ABCC10: variants seen among roughly 807,000 people sequenced by gnomAD.
ABCC10 encodes ATP-binding cassette sub-family C member 10.
In ABCC10, 110 loss-of-function variants were observed where a neutral mutation model predicts 143.2. The observed-to-expected ratio is 0.77, with a 90% CI of 0.66 to 0.90. The LOEUF is 0.90. ABCC10 is among the 40% of genes least tolerant of loss of function. The pLI, the probability that ABCC10 is intolerant of heterozygous loss-of-function variation, is 0.00. For synonymous variants in ABCC10, 805 were observed against 846.7 expected, an observed-to-expected ratio of 0.95 and a Z score of 0.85; for missense variants, 1,700 against 1,900.5, an observed-to-expected ratio of 0.89 and a Z score of 1.96.
At chr6:43,440,877 T>TA (rs1562187548) in intron 8 of ABCC10, among the ~76,000 whole-genome samples, 15 of 135,274 alleles carry the variant, frequency 1.1e-4, no homozygotes, top group Non-Finnish European at 2.0e-4. Context: ...AAAAAAAAAA[T>TA]ACCAGACCAC....
chr6:43,433,989 C>T (rs831315), intron 3 of ABCC10, among the ~76,000 whole-genome samples: 131,721 of 152,222 alleles, frequency 0.87, 57,133 homozygotes, highest in East Asian at 0.95. Context: ...GCATAGTTGT[C>T]GACCCTTAGT....
At chr6:43,447,993 G>C (rs1346270187) in intron 18 of ABCC10, 56 bp downstream of exon 18, 3 of 1,600,052 alleles carry the variant, frequency 1.9e-6, no homozygotes, top group Non-Finnish European at 2.5e-6. Flanking sequence ...CTGGCACTTA[G>C]AGGAGGGCAT....
chr6:43,448,977 G>T lies in ABCC10; in HGVS notation c.4056G>T (p.Leu1352Phe). 6.2e-7 allele frequency: 1 copy of T among 1,614,208 alleles called. No individual in the cohort carries two copies. The highest frequency in any genetic ancestry group is 2.2e-5 in the East Asian group (1 of 44,884). The change falls in exon 19 of 22, where the codon TTG (leucine) becomes TTT (phenylalanine). Residue 1352 changes from leucine to phenylalanine, a missense_variant. Leu to Phe is a conservative substitution (Grantham distance 22). Transcript: ENST00000372530. ...AGGGCCTACATAAGGACAGGGCCTT[G>T]TGGCAGGCCCTGAAGCAGTGCCACC... is the stretch of plus-strand genomic sequence containing the variant. ...DPQGLHKDRA[L>F]WQALKQCHLS...
At chr6:43,451,786 C>T (rs1174386025), downstream of ABCC10, 1 of 969,864 alleles carries the variant, frequency 1.0e-6, no homozygotes, top group Non-Finnish European at 1.2e-6. This position sits in a 1 kb window ranked among gnomAD's most constrained non-coding sequence, Gnocchi z 4.4. Context: ...AAACCCTGAA[C>T]TAGGAACACT....
intron 21 of ABCC10, 59 bp downstream of exon 21, chr6:43,449,593 T>C (rs981806750): frequency 3.4e-5 from 48 of 1,423,502 alleles, no homozygotes; most frequent in Non-Finnish European, 4.6e-5. Flanking sequence ...ACCGAGAGCC[T>C]CCGTTGCTTT....
chr6:43,446,223 TGGGTGGCTCA>T (rs1298266482), intron 15 of ABCC10, 44 bp from the exon 16 acceptor site: 10 of 1,574,342 alleles, frequency 6.4e-6, no homozygotes, highest in Non-Finnish European at 8.6e-6. Context: ...GCCCTGAGGC[TGGGTGGCTCA>T]GGGCAACAGT....
Position 43,435,116 on chromosome 6 carries a change from G to C in ABCC10, c.1608+268G>C, listed in dbSNP as rs897857518. 9.6e-6 allele frequency: 4 copies of C among 415,274 alleles called. No homozygotes were observed. In the Admixed American group the frequency reaches 1.5e-4, roughly 16 times the overall value. 25.7% of individuals were successfully genotyped at this position (415,274 alleles called of 1,614,324 possible). On this transcript the variant is annotated intron_variant, in intron 4 of 21. Coordinates refer to ENST00000372530, the MANE Select transcript of ABCC10 (RefSeq NM_001198934.2). ...CTTGGGGTTAGGTCTCTTCATCCTC[G>C]TTCTAATGGCCTTAGGAAAAAAATG...
rs766202939 is a variant in ABCC10 at position 43,448,922 on chromosome 6, G to T, written c.4001G>T (p.Ser1334Ile). 2.5e-6 allele frequency: 4 copies of T among 1,614,146 alleles called. No individual in the cohort carries two copies. In the South Asian group the frequency reaches 4.4e-5, roughly 18 times the overall value. Residue 1334 changes from serine to isoleucine, a missense_variant, in exon 19 of 22, where the codon AGT becomes ATT. Physicochemically the swap from Ser to Ile is moderately radical, Grantham distance 142. Transcript: ENST00000372530. The part of the protein sequence containing the change: ...AIIPQEPFLF[S>I]GTVRENLDPQ... ...ATCCCCCAGGAGCCCTTTTTGTTCA[G>T]TGGGACTGTTCGGGAAAACCTGGAC... is the stretch of plus-strand genomic sequence containing the variant.
At position 43,428,009 on chromosome 6, in the gene ABCC10, A is replaced by G; in HGVS notation, c.31A>G (p.Ser11Gly). 1 of 1,610,870 alleles carries G rather than the reference A, an allele frequency of 6.2e-7. No homozygotes were observed. Among genetic ancestry groups the G allele is most frequent in the Non-Finnish European group, 8.5e-7 (1 of 1,179,132 alleles). ...ACGACTTCTGGCCCAGCTGTGCGGC[A>G]GCAGCGCAGCGTGGCCGCTCCCGCT... The part of the protein sequence containing the change: MERLLAQLCG[S>G]SAAWPLPLWE... Residue 11 changes from serine (S) to glycine (G), a missense_variant, in exon 2 of 22, where the codon AGC becomes GGC. Transcript: ENST00000372530.
At chr6:43,429,402 G>GTGTA (rs1780879950) in intron 2 of ABCC10, among the ~76,000 whole-genome samples, 1 of 40,130 alleles carries the variant, frequency 2.5e-5, no homozygotes, top group African/African-American at 9.2e-5. Context: ...GTGTGTGTGT[G>GTGTA]TGTGTGTGGC....
chr6:43,443,205 C>T lies in ABCC10; in HGVS notation c.2416+46C>T. 5 of 1,523,844 alleles carry T rather than the reference C, an allele frequency of 3.3e-6. No individual in the cohort carries two copies. Among genetic ancestry groups the T allele is most frequent in the Non-Finnish European group, 4.4e-6 (5 of 1,141,872 alleles). The allele number at this position is 1,523,844 out of a possible 1,614,324, so 94.4% of individuals were successfully genotyped here. Reference sequence around the variant, plus strand: ...GTGTGAGGGAGGTGTCTGCCCAGGTCTGGCAGGGGATTGTGAAGTACAGAC... The same window carrying T: ...GTGTGAGGGAGGTGTCTGCCCAGGTTTGGCAGGGGATTGTGAAGTACAGAC... On this transcript the variant is annotated intron_variant, in intron 10 of 21. Transcript: ENST00000372530. The surrounding 1 kb of genome is among the most constrained non-coding windows in gnomAD (Gnocchi z 4.2).
intron 15 of ABCC10, among the ~76,000 whole-genome samples, 163 bp from the exon 16 acceptor site, chr6:43,446,114 T>C (rs561510610): frequency 1.2e-4 from 19 of 152,158 alleles, no homozygotes; most frequent in African/African-American, 4.6e-4. Flanking sequence ...ACCCCCACTT[T>C]GAAAGAGCAC....
chr6:43,449,121 G>A lies in ABCC10; in HGVS notation c.4120G>A (p.Glu1374Lys), dbSNP rs1783465930. 1 of 1,614,102 alleles carries A rather than the reference G, an allele frequency of 6.2e-7. No homozygotes were observed. Among genetic ancestry groups the A allele is most frequent in the Non-Finnish European group, 8.5e-7 (1 of 1,180,032 alleles). Residue 1374 changes from glutamate (E) to lysine (K), a missense_variant, in exon 20 of 22, where the codon GAG (glutamate) becomes AAG (lysine). Coordinates refer to ENST00000372530, the MANE Select transcript of ABCC10 (RefSeq NM_001198934.2). ...VITSMGGLDG[E>K]LGEGGRSLSL... Reference sequence around the variant, plus strand: ...TTTCCTTGCAGGTGGTCTGGATGGTGAGCTGGGTGAGGGGGGCCGGAGCTT... The same window carrying A: ...TTTCCTTGCAGGTGGTCTGGATGGTAAGCTGGGTGAGGGGGGCCGGAGCTT...
rs1256367168 is a variant in ABCC10, at chr6:43,443,882, A to G, written c.2417-51A>G. 3 of 1,538,844 alleles carry G rather than the reference A, an allele frequency of 1.9e-6. No individual in the cohort carries two copies. Among genetic ancestry groups the G allele is most frequent in the African/African-American group, 2.7e-5 (2 of 73,270 alleles). ...GATCTGCACACGCACTGAGAAAGGCATAGTATAGACTCAGAACAGTCCTCT... is the reference window on the plus strand; with the variant it reads ...GATCTGCACACGCACTGAGAAAGGCGTAGTATAGACTCAGAACAGTCCTCT... On this transcript the variant is annotated intron_variant, in intron 10 of 21. Coordinates refer to ENST00000372530, the MANE Select transcript of ABCC10 (RefSeq NM_001198934.2). The surrounding 1 kb of genome is among the most constrained non-coding windows in gnomAD (Gnocchi z 4.2).
At chr6:43,435,116 G>A (rs897857518) in intron 4 of ABCC10, 2 of 415,274 alleles carry the variant, frequency 4.8e-6, no homozygotes, top group African/African-American at 2.0e-5. Context: ...CTTCATCCTC[G>A]TTCTAATGGC....
chr6:43,447,224 G>C, intron 16 of ABCC10, 24 bp from the exon 17 acceptor site: 1 of 1,606,354 alleles, frequency 6.2e-7, no homozygotes, highest in South Asian at 1.1e-5. Context: ...AGCTCTCCCA[G>C]CAGCTGGTAC....
intron 12 of ABCC10, 94 bp from the exon 13 acceptor site, chr6:43,444,694 G>C: frequency 6.7e-7 from 1 of 1,492,042 alleles, no homozygotes; most frequent in Non-Finnish European, 8.9e-7. Flanking sequence ...AGATGGGCAG[G>C]AACCAGAGGC....
chr6:43,443,331 C>T lies in ABCC10; in HGVS notation c.2416+172C>T, dbSNP rs1406594547. On this transcript the variant is annotated intron_variant, in intron 10 of 21. Coordinates refer to ENST00000372530, the MANE Select transcript of ABCC10 (RefSeq NM_001198934.2). The surrounding 1 kb of genome is among the most constrained non-coding windows in gnomAD (Gnocchi z 4.2). ...GGGAGAACAGGAGGGAAAAGGAGTA[C>T]GTTGGTAAAATGCCAGTGTATTTGG... 4.9e-5 allele frequency: 33 copies of T among 673,684 alleles called. No individual in the cohort carries two copies. Among genetic ancestry groups the T allele is most frequent in the Admixed American group, 1.1e-4 (3 of 27,744 alleles). 41.7% of individuals were successfully genotyped at this position (673,684 alleles called of 1,614,324 possible).
In ABCC10 at chr6:43,432,286, G is replaced by A; in HGVS notation, c.306G>A (p.Val102=). The A allele has an allele frequency of 6.2e-7, 1 of 1,614,236 alleles. No individual in the cohort carries two copies. The highest frequency in any genetic ancestry group is 1.1e-5 in the South Asian group (1 of 91,088). Residue 102 remains valine (V), a synonymous_variant, in exon 3 of 22, where the codon GTG becomes GTA. Coordinates refer to ENST00000372530, the MANE Select transcript of ABCC10 (RefSeq NM_001198934.2). ...GCCCAGGACCCATAGGGCTAGAGGTGTTGGCAGGGTGCGTGGCAGCTGTGG... is the reference window on the plus strand; with the variant it reads ...GCCCAGGACCCATAGGGCTAGAGGTATTGGCAGGGTGCGTGGCAGCTGTGG... ...GAGPGPIGLE[V]LAGCVAAVAW...
Sources: allele counts gnomAD v4.1 joint callset (sites outside exome capture counted in the v4.1 genomes callset), GRCh38; gene constraint gnomAD v4.1.1; non-coding constraint Gnocchi (gnomAD v3.1); transcripts MANE v1.5; gene names NCBI Gene and HGNC (gene_info 2026-07-23, HGNC 2026-07-21).